Variants in DIPK1A observed in about 807,000 individuals in gnomAD.
DIPK1A encodes divergent protein kinase domain 1A, also known as family with sequence similarity 69 member A.
In DIPK1A, 27 loss-of-function variants were observed where a neutral mutation model predicts 40.8. That is an observed-to-expected ratio of 0.66 (90% CI 0.49 to 0.91). DIPK1A has a LOEUF of 0.91. Among genes scored for constraint, DIPK1A ranks in the 40% least tolerant of loss-of-function variants. DIPK1A has a pLI of 0.00. For missense variants in DIPK1A, 412 were observed against 505.7 expected (o/e 0.81, Z 1.78); for synonymous variants, 166 against 171.3 (o/e 0.97, Z 0.24).
chr1:92,925,404 G>A (rs1650450123), intron 1 of DIPK1A, among the ~76,000 whole-genome samples: 1 of 152,016 alleles, frequency 6.6e-6, no homozygotes, highest in South Asian at 2.1e-4. Flanking sequence ...ATACTCTCTG[G>A]GCCTGAAGTT....
At chr1:92,878,189 A>G (rs896930366) in intron 1 of DIPK1A, among the ~76,000 whole-genome samples, 9 of 152,160 alleles carry the variant, frequency 5.9e-5, no homozygotes, top group Non-Finnish European at 1.2e-4. Context: ...AATACAAACA[A>G]TCCAGTTTCT....
chr1:92,884,042 T>C (rs1382966432), intron 1 of DIPK1A, among the ~76,000 whole-genome samples: 3 of 152,252 alleles, frequency 2.0e-5, no homozygotes, highest in Non-Finnish European at 2.9e-5. Flanking sequence ...TAGTCACATG[T>C]ATTTATGCCT....
intron 2 of DIPK1A, among the ~76,000 whole-genome samples, chr1:92,870,305 A>G (rs1022734846): frequency 5.3e-5 from 8 of 152,180 alleles, no homozygotes; most frequent in African/African-American, 1.9e-4. Context: ...AGCTCACTGC[A>G]GCCTCTGCCT....
At chr1:92,956,908 G>A (rs888849600) in intron 1 of DIPK1A, among the ~76,000 whole-genome samples, 2 of 152,066 alleles carry the variant, frequency 1.3e-5, no homozygotes, top group Non-Finnish European at 2.9e-5. Flanking sequence ...CAAGCAAAAC[G>A]GCTTGAAAAC....
intron 1 of DIPK1A, among the ~76,000 whole-genome samples, chr1:92,958,542 C>T (rs1432906215): frequency 2.0e-5 from 3 of 152,286 alleles, no homozygotes; most frequent in South Asian, 4.1e-4. Context: ...TGTACTCTTA[C>T]CCTTCCCCTC....
intron 3 of DIPK1A, among the ~76,000 whole-genome samples, chr1:92,850,525 CA>C (rs1288805851): frequency 6.6e-6 from 1 of 151,862 alleles, no homozygotes; most frequent in Non-Finnish European, 1.5e-5. Context: ...TACAAAAATA[CA>C]AAAAATTAGC....
At chr1:92,875,862 T>A (rs1390426353) in intron 2 of DIPK1A, among the ~76,000 whole-genome samples, 4 of 151,908 alleles carry the variant, frequency 2.6e-5, no homozygotes, top group Admixed American at 2.0e-4. Flanking sequence ...CTGAGATACA[T>A]CCAATCACTA....
intron 2 of DIPK1A, among the ~76,000 whole-genome samples, chr1:92,853,540 G>A (rs948312975): frequency 6.6e-6 from 1 of 152,152 alleles, no homozygotes; most frequent in African/African-American, 2.4e-5. Flanking sequence ...AGTGAGACTC[G>A]CCTGTGTCCT....
Position 92,833,650 on chromosome 1 carries a change from T to C in DIPK1A, c.475-616A>G. ...ATAGTTCGTGTGACAAACAGAGATA[T>C]CATTTGTCAGGTAAGTTGTATTCTA... On this transcript the variant is annotated intron_variant, in intron 4 of 4. Transcript: ENST00000615519. 6 of 1,610,344 alleles carry C rather than the reference T, an allele frequency of 3.7e-6. No individual in the cohort carries two copies. The highest frequency in any genetic ancestry group is 4.2e-6 in the Non-Finnish European group (5 of 1,178,412).
At chr1:92,940,723 G>A (rs1196066224) in intron 1 of DIPK1A, among the ~76,000 whole-genome samples, 2 of 152,178 alleles carry the variant, frequency 1.3e-5, no homozygotes, top group Non-Finnish European at 2.9e-5. Context: ...GTTGCAAACT[G>A]CTTTCCATGG....
At chr1:92,845,541 GA>G (rs545634818) in intron 4 of DIPK1A, 14,115 of 222,922 alleles carry the variant, frequency 0.063, 28 homozygotes, top group South Asian at 0.1. Context: ...CGTCTCTGCT[GA>G]AAAAAAAAAA....
intron 1 of DIPK1A, among the ~76,000 whole-genome samples, chr1:92,916,121 T>A (rs1021386309): frequency 6.6e-6 from 1 of 151,774 alleles, no homozygotes; most frequent in Non-Finnish European, 1.5e-5. Flanking sequence ...GAGGGAGCAA[T>A]GGGGTATGAT....
chr1:92,947,100 C>T (rs527246284), intron 1 of DIPK1A, among the ~76,000 whole-genome samples: 24 of 152,102 alleles, frequency 1.6e-4, no homozygotes, highest in African/African-American at 3.9e-4. Flanking sequence ...TGTAAAACTA[C>T]GACTATACTC....
intron 1 of DIPK1A, among the ~76,000 whole-genome samples, chr1:92,935,149 G>A (rs1024312604): frequency 3.3e-5 from 5 of 152,126 alleles, no homozygotes; most frequent in Admixed American, 2.6e-4. Context: ...TTGGTGACAG[G>A]ACAAAACACA....
rs1687439373 is a variant in DIPK1A, at chr1:92,843,087, A to G, written c.*296T>C. The G allele has an allele frequency of 2.8e-6, 3 of 1,067,532 alleles. No homozygotes were observed. Among genetic ancestry groups the G allele is most frequent in the Middle Eastern group, 4.4e-4 (1 of 2,284 alleles). 66.1% of individuals were successfully genotyped at this position (1,067,532 alleles called of 1,614,324 possible). ...TAAATCTACAAATCACTCACTGTTG[A>G]TGTTTATGGAATGAAGCTTTTCACA... On this transcript the variant is annotated 3_prime_UTR_variant, in exon 5 of 5. Coordinates refer to ENST00000370310, the MANE Select transcript of DIPK1A (RefSeq NM_001006605.5).
At chr1:92,897,952 A>C (rs1052767858) in intron 1 of DIPK1A, among the ~76,000 whole-genome samples, 6 of 152,134 alleles carry the variant, frequency 3.9e-5, no homozygotes, top group Admixed American at 2.6e-4. Flanking sequence ...TACAAAAATT[A>C]GCCATGCGTG....
intron 1 of DIPK1A, among the ~76,000 whole-genome samples, chr1:92,896,476 C>T (rs1337951591): frequency 6.6e-6 from 1 of 151,984 alleles, no homozygotes; most frequent in African/African-American, 2.4e-5. Flanking sequence ...AACTGGATCC[C>T]TTCCTTACAC....
intron 1 of DIPK1A, among the ~76,000 whole-genome samples, chr1:92,880,807 T>C (rs1242386382): frequency 6.8e-6 from 1 of 146,246 alleles, no homozygotes; most frequent in Non-Finnish European, 1.5e-5. Flanking sequence ...GAGGCAGAGG[T>C]TGCCTTGAGC....
intron 3 of DIPK1A, among the ~76,000 whole-genome samples, chr1:92,848,328 G>A (rs1407187599): frequency 2.6e-5 from 4 of 152,098 alleles, no homozygotes; most frequent in East Asian, 1.9e-4. Context: ...TTCCATGACC[G>A]GTTGGGCTCC....
Sources: allele counts gnomAD v4.1 joint callset (sites outside exome capture counted in the v4.1 genomes callset), GRCh38; gene constraint gnomAD v4.1.1; transcripts MANE v1.5; gene names NCBI Gene and HGNC (gene_info 2026-07-23, HGNC 2026-07-21).